Variants in MIB1 observed in about 807,000 individuals in gnomAD.
The protein encoded by MIB1 is MIB E3 ubiquitin protein ligase 1.
MIB1 carries 278 observed loss-of-function variants against 124.5 expected under a neutral mutation model. The observed-to-expected ratio is 2.23, with a 90% CI of 2.02 to 2.47. MIB1 has a LOEUF of 2.47. Ranked by LOEUF, MIB1 falls within the 30% of genes most tolerant of loss-of-function variation. The pLI is 0.00. For missense variants in MIB1, 957 were observed against 1,254.4 expected (o/e 0.76, Z 3.58); for synonymous variants, 446 against 429.4 (o/e 1.04, Z -0.48).
rs183231129 is a variant in MIB1, at chr18:21,735,393, G to A, written n.167+30270G>A. 4.1e-4 allele frequency among the ~76,000 whole-genome samples: 63 copies of A among 152,078 alleles called. No individual in the cohort carries two copies. The East Asian group carries it at 0.012, about 28-fold the overall frequency. On this transcript the variant is annotated intron_variant and non_coding_transcript_variant, in intron 1 of 20. Coordinates refer to the MIB1 transcript ENST00000578646. ...ACCAGCAGACCAGGAAATTCCCTCC[G>A]GTGCCTACGCCACCAGGGCCCTGGG...
intron 1 of MIB1, among the ~76,000 whole-genome samples, chr18:21,733,313 T>TG: frequency 6.6e-6 from 1 of 152,234 alleles, no homozygotes; most frequent in Middle Eastern, 3.4e-3. Context: ...TATTTTTTTG[T>TG]GGGGGTTCAT....
At chr18:21,768,928 A>G (rs2041195541) in intron 3 of MIB1, among the ~76,000 whole-genome samples, 176 bp downstream of exon 3, 2 of 152,126 alleles carry the variant, frequency 1.3e-5, no homozygotes, top group South Asian at 2.1e-4. Flanking sequence ...TTTTGTAAGC[A>G]TTGATGTTCC....
intron 1 of MIB1, among the ~76,000 whole-genome samples, chr18:21,711,246 A>G (rs1177544686): frequency 6.6e-6 from 1 of 152,186 alleles, no homozygotes; most frequent in Non-Finnish European, 1.5e-5. Context: ...TAAGAAAGAA[A>G]GATTTTCCAG....
At chr18:21,745,694 A>G (rs1027218928) in intron 1 of MIB1, among the ~76,000 whole-genome samples, 2 of 151,938 alleles carry the variant, frequency 1.3e-5, no homozygotes, top group Admixed American at 1.3e-4. Flanking sequence ...ACACACACAC[A>G]CACACACACA....
chr18:21,768,983 C>T (rs2041196306), intron 3 of MIB1, among the ~76,000 whole-genome samples: 1 of 152,136 alleles, frequency 6.6e-6, no homozygotes, highest in Non-Finnish European at 1.5e-5. Context: ...CTTCAGGTTT[C>T]ATATTGTCAT....
At position 21,869,631 on chromosome 18, in the gene MIB1, A is replaced by G. The variant is rs2042342372; in HGVS notation, c.*4965A>G. 1.3e-5 allele frequency: 2 copies of G among 152,482 alleles called. No individual in the cohort carries two copies. Among genetic ancestry groups the G allele is most frequent in the Non-Finnish European group, 2.9e-5 (2 of 67,902 alleles). 9.4% of individuals were successfully genotyped at this position (152,482 alleles called of 1,614,324 possible). On this transcript the variant is annotated 3_prime_UTR_variant, in exon 21 of 21. Coordinates refer to ENST00000261537, the MANE Select transcript of MIB1 (RefSeq NM_020774.4). ...TTTGTTTTTTAAAAACTGATTATTT[A>G]TGGCCGTGACACTGTTACCAGAAAA...
At chr18:21,717,128 C>T (rs1052921988) in intron 1 of MIB1, among the ~76,000 whole-genome samples, 2 of 152,190 alleles carry the variant, frequency 1.3e-5, no homozygotes, top group South Asian at 4.2e-4. Flanking sequence ...TGATCTTTGA[C>T]AAAGCAAACA....
chr18:21,718,527 C>T (rs979751926), intron 1 of MIB1, among the ~76,000 whole-genome samples: 9 of 152,232 alleles, frequency 5.9e-5, no homozygotes, highest in African/African-American at 2.2e-4. Flanking sequence ...CTGTAGATGA[C>T]TTTGGCCTCA....
At chr18:21,778,288 T>C in intron 5 of MIB1, 119 bp downstream of exon 5, 1 of 620,434 alleles carries the variant, frequency 1.6e-6, no homozygotes, top group Middle Eastern at 2.8e-4. Context: ...AGAGAAAAAA[T>C]TTTTTGGCTT....
At position 21,778,117 on chromosome 18, in the gene MIB1, T is replaced by C; in HGVS notation, c.651T>C (p.Cys217=). The part of the protein sequence containing the change: ...VGFEGMSDLK[C]VQDAKGGSFY... Reference sequence around the variant, plus strand: ...TTTCTTCTTAGTCTGATCTGAAATGTGTCCAGGATGCCAAGGGAGGTTCTT... The same window carrying C: ...TTTCTTCTTAGTCTGATCTGAAATGCGTCCAGGATGCCAAGGGAGGTTCTT... Residue 217 remains cysteine, a synonymous_variant, in exon 5 of 21, where the codon TGT becomes TGC. Transcript: ENST00000261537. 6.2e-7 allele frequency: 1 copy of C among 1,612,444 alleles called. No homozygotes were observed. The highest frequency in any genetic ancestry group is 1.7e-5 in the Admixed American group (1 of 60,018).
chr18:21,790,700 G>T (rs2041492128), intron 6 of MIB1, among the ~76,000 whole-genome samples: 1 of 152,194 alleles, frequency 6.6e-6, no homozygotes, highest in Non-Finnish European at 1.5e-5. Context: ...AGTGGGATGG[G>T]AATGGTGATC....
Position 21,819,556 on chromosome 18 carries a change from C to A in MIB1, c.1739C>A (p.Ala580Glu), listed in dbSNP as rs1235030403. 1.2e-6 allele frequency: 2 copies of A among 1,610,616 alleles called. No individual in the cohort carries two copies. The highest frequency in any genetic ancestry group is 2.2e-5 in the East Asian group (1 of 44,818). ...AISKKRDDIL[A>E]VLLEAGADVT... ...AGTAAGAAACGTGATGATATCCTAG[C>A]AGTTCTTTTGGAAGCTGGAGCAGAT... is the stretch of plus-strand genomic sequence containing the variant. Residue 580 changes from alanine to glutamate, a missense_variant, in exon 12 of 21, where the codon GCA (alanine) becomes GAA (glutamate). Physicochemically the swap from Ala to Glu is moderately radical, Grantham distance 107. Transcript: ENST00000261537.
In MIB1 at chr18:21,870,618, A is replaced by G. The variant is rs1473252017; in HGVS notation, c.*5952A>G. On this transcript the variant is annotated 3_prime_UTR_variant, in exon 21 of 21. Transcript: ENST00000261537. ...TAAAGCAATGATCTATTTGGGTTTT[A>G]GTTTTATGAGTAAATCATTAATTGT... 6.6e-6 allele frequency: 1 copy of G among 152,126 alleles called. No individual in the cohort carries two copies. The highest frequency in any genetic ancestry group is 1.5e-5 in the Non-Finnish European group (1 of 67,994). The allele number at this position is 152,126 out of a possible 1,614,324, so 9.4% of individuals were successfully genotyped here.
chr18:21,723,768 C>T (rs1482076006), intron 1 of MIB1, among the ~76,000 whole-genome samples: 4 of 152,334 alleles, frequency 2.6e-5, no homozygotes, highest in Middle Eastern at 3.4e-3. Flanking sequence ...CCCGCCTCAG[C>T]CTCCCAAAGT....
chr18:21,854,342 A>T (rs543965756), intron 18 of MIB1, among the ~76,000 whole-genome samples: 1 of 152,356 alleles, frequency 6.6e-6, no homozygotes, highest in Admixed American at 6.5e-5. Flanking sequence ...TCTGCACTAT[A>T]GTGCAAAAAC....
chr18:21,771,440 T>G (rs180687412), intron 3 of MIB1, among the ~76,000 whole-genome samples: 1 of 152,368 alleles, frequency 6.6e-6, no homozygotes, highest in South Asian at 2.1e-4. Flanking sequence ...ACAAATGAAG[T>G]TGAATCTGAA....
At chr18:21,796,306 C>T (rs2041578759) in intron 7 of MIB1, among the ~76,000 whole-genome samples, 2 of 151,728 alleles carry the variant, frequency 1.3e-5, no homozygotes, top group Admixed American at 1.3e-4. Flanking sequence ...GAAAACCAAA[C>T]ACCACATGTT....
intron 13 of MIB1, among the ~76,000 whole-genome samples, chr18:21,839,120 C>T (rs1305787271): frequency 1.3e-5 from 2 of 152,114 alleles, no homozygotes; most frequent in Non-Finnish European, 2.9e-5. Context: ...CTGAAGTTAT[C>T]AAAGAATTAT....
At chr18:21,826,744 CAGAGAAATAT>C in intron 12 of MIB1, 1 of 152,132 alleles carries the variant, frequency 6.6e-6, no homozygotes, top group Admixed American at 6.6e-5. Context: ...TAAGTGCTCT[CAGAGAAATAT>C]AGAGTAGAGA....
Sources: gnomAD v4.1 joint callset for allele counts (sites outside exome capture counted in the v4.1 genomes callset) on GRCh38, gnomAD v4.1.1 for gene constraint, MANE v1.5 for transcripts, NCBI Gene and HGNC (gene_info 2026-07-23, HGNC 2026-07-21) for gene names.